RAD51: variants seen among roughly 807,000 people sequenced by gnomAD.
The protein encoded by RAD51 is RAD51 recombinase.
Under a neutral mutation model 41.5 loss-of-function variants are expected in RAD51, and 14 were observed. The observed-to-expected ratio is 0.34, with a 90% CI of 0.22 to 0.53. The LOEUF (loss-of-function observed/expected upper bound fraction) is 0.53. RAD51 is among the 20% of genes least tolerant of loss of function. RAD51 has a pLI of 0.95. For missense variants in RAD51, 234 were observed against 422.0 expected (o/e 0.55, Z 3.90); for synonymous variants, 136 against 148.6 (o/e 0.92, Z 0.62).
intron 6 of RAD51, among the ~76,000 whole-genome samples, chr15:40,727,412 G>A (rs937716165): frequency 2.0e-5 from 3 of 151,960 alleles, no homozygotes; most frequent in African/African-American, 4.8e-5. Context: ...GGTTTCAAGC[G>A]ATTCTCCTGC....
intron 3 of RAD51, among the ~76,000 whole-genome samples, chr15:40,704,630 G>A (rs946257677): frequency 6.6e-6 from 1 of 150,570 alleles, no homozygotes; most frequent in African/African-American, 2.4e-5. Context: ...AAAGTGCTGG[G>A]ATTCAGGCAT....
At chr15:40,712,046 T>C (rs1207615638) in intron 5 of RAD51, among the ~76,000 whole-genome samples, 3 of 147,272 alleles carry the variant, frequency 2.0e-5, no homozygotes, top group African/African-American at 7.6e-5. Context: ...CTCTCCAGCC[T>C]GGGCAACAGA....
chr15:40,728,557 T>C, intron 6 of RAD51, 154 bp from the exon 7 acceptor site: 1 of 757,848 alleles, frequency 1.3e-6, no homozygotes, highest in Non-Finnish European at 2.4e-6. Context: ...TTGCCTGAAC[T>C]TCTTAATAGA....
chr15:40,730,691 T>C (rs1896837452), intron 9 of RAD51, among the ~76,000 whole-genome samples: 1 of 151,256 alleles, frequency 6.6e-6, no homozygotes, highest in East Asian at 2.0e-4. Flanking sequence ...CTGGCTAATT[T>C]TTTTGTATTT....
At chr15:40,710,859 C>G (rs1004938666) in intron 5 of RAD51, among the ~76,000 whole-genome samples, 4 of 152,190 alleles carry the variant, frequency 2.6e-5, no homozygotes. Flanking sequence ...AAGGACTCTA[C>G]TCCTTCCATT....
intron 5 of RAD51, among the ~76,000 whole-genome samples, chr15:40,714,157 A>G (rs1051093008): frequency 3.3e-5 from 5 of 151,960 alleles, no homozygotes; most frequent in Non-Finnish European, 5.9e-5. Context: ...GAAAGAGCTG[A>G]GGGGGAGGGG....
chr15:40,699,945 A>C (rs1465294441), intron 2 of RAD51, among the ~76,000 whole-genome samples: 1 of 152,122 alleles, frequency 6.6e-6, no homozygotes, highest in Non-Finnish European at 1.5e-5. Flanking sequence ...ACTAATCTTC[A>C]AGACTCTAGA....
intron 5 of RAD51, among the ~76,000 whole-genome samples, chr15:40,716,127 A>G (rs1315089952): frequency 1.3e-5 from 2 of 152,210 alleles, no homozygotes; most frequent in Non-Finnish European, 2.9e-5. Flanking sequence ...TGGGAAAATC[A>G]TGTCTTCAGA....
At chr15:40,714,083 C>A (rs1393504900) in intron 5 of RAD51, among the ~76,000 whole-genome samples, 1 of 150,950 alleles carries the variant, frequency 6.6e-6, no homozygotes, top group Admixed American at 6.6e-5. Context: ...CCAACCTCAG[C>A]CTCCCACATA....
At chr15:40,727,847 A>C (rs1408868829) in intron 6 of RAD51, among the ~76,000 whole-genome samples, 1 of 148,232 alleles carries the variant, frequency 6.7e-6, no homozygotes, top group East Asian at 2.0e-4. Context: ...ACTGGGTTTT[A>C]TGTAAACATT....
intron 2 of RAD51, 41 bp downstream of exon 2, chr15:40,698,886 T>G: frequency 6.4e-7 from 1 of 1,563,474 alleles, no homozygotes; most frequent in Non-Finnish European, 8.8e-7. Context: ...TATACTAGAT[T>G]CTTCTACCTA....
At chr15:40,704,203 G>A (rs1272473727) in intron 3 of RAD51, among the ~76,000 whole-genome samples, 3 of 150,754 alleles carry the variant, frequency 2.0e-5, no homozygotes, top group African/African-American at 7.3e-5. Flanking sequence ...CCTCCTGAGT[G>A]GCTGGGATTA....
Position 40,731,236 on chromosome 15 carries a change from C to T in RAD51, c.*58C>T. The T allele has an allele frequency of 6.2e-7, 1 of 1,609,824 alleles. No homozygotes were observed. Among genetic ancestry groups the T allele is most frequent in the African/African-American group, 1.3e-5 (1 of 74,944 alleles). ...AGTGCTGCAGCCTAATGAGAGTGCA[C>T]TGCTCCCTGGGGTTCTCTACAGGCC... On this transcript the variant is annotated 3_prime_UTR_variant, in exon 10 of 10. Coordinates refer to ENST00000267868, the MANE Select transcript of RAD51 (RefSeq NM_002875.5).
intron 6 of RAD51, 35 bp downstream of exon 6, chr15:40,718,934 T>C (rs200482982): frequency 1.3e-6 from 2 of 1,528,032 alleles, no homozygotes; most frequent in East Asian, 2.2e-5. Context: ...AGACTATGGC[T>C]ACACTTATCA....
At chr15:40,697,157 A>C (rs572247283) in intron 1 of RAD51, among the ~76,000 whole-genome samples, 1 of 151,654 alleles carries the variant, frequency 6.6e-6, no homozygotes, top group African/African-American at 2.4e-5. Context: ...CTGGAGTGCA[A>C]TGGCACAATC....
chr15:40,709,040 G>T lies in RAD51; in HGVS notation c.359G>T (p.Gly120Val). Residue 120 changes from glycine to valine, a missense_variant, in exon 5 of 10, where the codon GGA becomes GTA. This residue lies in a region of RAD51 where 134 missense variants were observed against 286.5 expected (regional missense o/e 0.47). Transcript: ENST00000267868. ...GCTTTTTTAGGTGGAATTGAGACTG[G>T]ATCTATCACAGAAATGTTTGGAGAA... The part of the protein sequence containing the change: ...DKLLQGGIET[G>V]SITEMFGEFR... 2 of 1,613,776 alleles carry T rather than the reference G, an allele frequency of 1.2e-6. No homozygotes were observed. Among genetic ancestry groups the T allele is most frequent in the South Asian group, 1.1e-5 (1 of 91,070 alleles).
Position 40,701,079 on chromosome 15 carries a change from G to A in RAD51, c.103G>A (p.Ala35Thr), listed in dbSNP as rs755292488. The A allele has an allele frequency of 6.2e-7, 1 of 1,614,224 alleles. No individual in the cohort carries two copies. The highest frequency in any genetic ancestry group is 8.5e-7 in the Non-Finnish European group (1 of 1,180,048). ...ISRLEQCGIN[A>T]NDVKKLEEAG... ...TCATTTGCAGCAGTGTGGCATAAAT[G>A]CCAACGATGTGAAGAAATTGGAAGA... Residue 35 changes from alanine (A) to threonine (T), a missense_variant, in exon 3 of 10, where the codon GCC becomes ACC. Transcript: ENST00000267868.
Position 40,701,100 on chromosome 15 carries a change from G to A in RAD51, c.124G>A (p.Glu42Lys). ...GINANDVKKLEEAGFHTVEAV... is the reference protein window; with the variant it reads ...GINANDVKKLKEAGFHTVEAV... The stretch of plus-strand genomic sequence containing the variant: ...AAATGCCAACGATGTGAAGAAATTG[G>A]AAGAAGCTGGATTCCATACTGTGGA... Residue 42 changes from glutamate (E) to lysine (K), a missense_variant, in exon 3 of 10, where the codon GAA (glutamate) becomes AAA (lysine). Physicochemically the swap from Glu to Lys is moderately conservative, Grantham distance 56. Coordinates refer to ENST00000267868, the MANE Select transcript of RAD51 (RefSeq NM_002875.5). 6.2e-7 allele frequency: 1 copy of A among 1,614,222 alleles called. No individual in the cohort carries two copies. Among genetic ancestry groups the A allele is most frequent in the Non-Finnish European group, 8.5e-7 (1 of 1,180,042 alleles).
At chr15:40,727,201 A>G (rs963040129) in intron 6 of RAD51, among the ~76,000 whole-genome samples, 7 of 151,922 alleles carry the variant, frequency 4.6e-5, no homozygotes, top group South Asian at 4.1e-4. Flanking sequence ...AGCTCAAGCA[A>G]TCCTCCCCAC....
Sources: allele counts gnomAD v4.1 joint callset (sites outside exome capture counted in the v4.1 genomes callset), GRCh38; gene constraint gnomAD v4.1.1; regional missense constraint gnomAD v4.1.1; transcripts MANE v1.5; gene names NCBI Gene and HGNC (gene_info 2026-07-23, HGNC 2026-07-21).